The following PSMD4 variants were observed in gnomAD, a reference collection of about 807,000 sequenced individuals.
PSMD4 encodes the protein 26S proteasome non-ATPase regulatory subunit 4.
PSMD4 carries 5 observed loss-of-function variants against 39.7 expected under a neutral mutation model. That is an observed-to-expected ratio of 0.13 (90% confidence interval 0.07 to 0.26). The LOEUF is 0.26. Among genes scored for constraint, PSMD4 ranks in the 10% least tolerant of loss-of-function variants. PSMD4 has a pLI of 1.00. For missense variants in PSMD4, 272 were observed against 486.1 expected (o/e 0.56, Z 4.14); for synonymous variants, 143 against 174.6 (o/e 0.82, Z 1.43).
At chr1:151,260,036 T>C (rs1301542939) in intron 1 of PSMD4, among the ~76,000 whole-genome samples, 1 of 152,074 alleles carries the variant, frequency 6.6e-6, no homozygotes. Context: ...CCGTCTCTAC[T>C]AAAAATACAA....
intron 1 of PSMD4, among the ~76,000 whole-genome samples, chr1:151,261,954 C>CA (rs11370693): frequency 0.93 from 116,800 of 125,196 alleles, 54,840 homozygotes; most frequent in Non-Finnish European, 0.98. Flanking sequence ...GACCCTATCT[C>CA]AAAAAAAAAA....
At chr1:151,259,110 AG>A (rs1164548964) in intron 1 of PSMD4, 1 of 152,176 alleles carries the variant, frequency 6.6e-6, no homozygotes, top group Admixed American at 6.6e-5. Context: ...CTACCCGGGA[AG>A]CTGAAGTGGG....
chr1:151,264,898 G>A lies in PSMD4; in HGVS notation c.349G>A (p.Val117Met). Residue 117 changes from valine to methionine, a missense_variant, in exon 4 of 10, where the codon GTG (valine) becomes ATG (methionine). Coordinates refer to ENST00000368884, the MANE Select transcript of PSMD4 (RefSeq NM_002810.4). Reference protein sequence around the residue: ...MRIIAFVGSPVEDNEKDLVKL... With the variant: ...MRIIAFVGSPMEDNEKDLVKL... Reference sequence around the variant, plus strand: ...CATCATTGCCTTTGTGGGAAGCCCAGTGGAGGACAATGAGAAGGATGTGAG... The same window carrying A: ...CATCATTGCCTTTGTGGGAAGCCCAATGGAGGACAATGAGAAGGATGTGAG... The A allele has an allele frequency of 6.2e-7, 1 of 1,613,218 alleles. No homozygotes were observed. The highest frequency in any genetic ancestry group is 8.5e-7 in the Non-Finnish European group (1 of 1,179,450).
chr1:151,266,750 T>C, intron 9 of PSMD4, 163 bp downstream of exon 9: 1 of 918,766 alleles, frequency 1.1e-6, no homozygotes, highest in Non-Finnish European at 1.7e-6. Flanking sequence ...GTAGCAATGC[T>C]AATGGTCAGA....
chr1:151,262,557 C>T (rs1485187776), intron 2 of PSMD4: 1 of 452,308 alleles, frequency 2.2e-6, no homozygotes, highest in Non-Finnish European at 4.0e-6. Flanking sequence ...GGTGAAATTT[C>T]ATAATATATT....
At chr1:151,262,717 ACC>A in intron 2 of PSMD4, 1 of 184,866 alleles carries the variant, frequency 5.4e-6, no homozygotes, top group South Asian at 1.0e-4. Context: ...TACCTGTAAT[ACC>A]AGCTACTCAG....
At chr1:151,258,167 G>T (rs373331719) in intron 1 of PSMD4, among the ~76,000 whole-genome samples, 1 of 151,920 alleles carries the variant, frequency 6.6e-6, no homozygotes, top group South Asian at 2.1e-4. Flanking sequence ...GGGATTACAG[G>T]TGCGTGCCAC....
chr1:151,255,040 G>A (rs1186778389), intron 1 of PSMD4, among the ~76,000 whole-genome samples: 3 of 152,212 alleles, frequency 2.0e-5, no homozygotes, highest in South Asian at 2.1e-4. Context: ...GGTCATTCCT[G>A]CTTCCTTTCT....
chr1:151,261,204 C>T (rs587720563), intron 1 of PSMD4, among the ~76,000 whole-genome samples: 19 of 102,586 alleles, frequency 1.9e-4, no homozygotes, highest in Non-Finnish European at 3.0e-4. Flanking sequence ...TTTTTTGAGA[C>T]GAAGTTTTGC....
chr1:151,256,365 AAAT>A (rs1308856995), intron 1 of PSMD4, among the ~76,000 whole-genome samples: 5 of 52,594 alleles, frequency 9.5e-5, no homozygotes, highest in Admixed American at 6.4e-4. Context: ...AATAATAATA[AAAT>A]AAATAAATAA....
intron 9 of PSMD4, 36 bp from the exon 10 acceptor site, chr1:151,267,137 C>T: frequency 6.2e-7 from 1 of 1,613,174 alleles, no homozygotes. Context: ...CCTGCCGCTC[C>T]ATACCCTCCC....
Position 151,264,954 on chromosome 1 carries a change from C to T in PSMD4, c.369+36C>T, listed in dbSNP as rs772535996. The T allele has an allele frequency of 5.1e-6, 8 of 1,566,574 alleles. No individual in the cohort carries two copies. The South Asian group carries it at 7.9e-5, about 16-fold the overall frequency. On this transcript the variant is annotated intron_variant, in intron 4 of 9. Transcript: ENST00000368884. The stretch of plus-strand genomic sequence containing the variant: ...GTGGCAGCTGGGGAATGTGGGGAGC[C>T]CATGTTTGGGACTGAGGTCTTCCAG...
At chr1:151,260,964 A>G (rs1693303144) in intron 1 of PSMD4, among the ~76,000 whole-genome samples, 1 of 150,770 alleles carries the variant, frequency 6.6e-6, no homozygotes, top group Non-Finnish European at 1.5e-5. Context: ...TCCTGCCTCA[A>G]CCTCCTGAGT....
At chr1:151,264,658 CAG>C (rs1693388123) in intron 3 of PSMD4, among the ~76,000 whole-genome samples, 172 bp from the exon 4 acceptor site, 1 of 151,242 alleles carries the variant, frequency 6.6e-6, no homozygotes, top group African/African-American at 2.4e-5. Context: ...TCTTTATGCA[CAG>C]AGAGTCATAG....
chr1:151,265,983 T>C (rs892737918), intron 6 of PSMD4, 21 bp from the exon 7 acceptor site: 8 of 1,556,650 alleles, frequency 5.1e-6, no homozygotes, highest in Non-Finnish European at 6.9e-6. Context: ...GGAGCCCTGA[T>C]TATGCCCTGC....
In PSMD4 at chr1:151,267,197, C is replaced by G; in HGVS notation, c.988C>G (p.Gln330Glu). ...AKEEDDYDVM[Q>E]DPEFLQSVLE... The stretch of plus-strand genomic sequence containing the variant: ...GGAGGAGGATGATTACGACGTGATG[C>G]AGGACCCCGAGTTCCTTCAGAGTGT... Residue 330 changes from glutamine (Q) to glutamate (E), a missense_variant, in exon 10 of 10, where the codon CAG (glutamine) becomes GAG (glutamate). By Grantham distance (29) the Gln-to-Glu change is conservative. Around this residue, in one of 3 missense-constraint regions of PSMD4, gnomAD observed 113 missense variants for 184.6 expected, o/e 0.61. Coordinates refer to ENST00000368884, the MANE Select transcript of PSMD4 (RefSeq NM_002810.4). 1.2e-6 allele frequency: 2 copies of G among 1,613,920 alleles called. No homozygotes were observed. The highest frequency in any genetic ancestry group is 1.7e-6 in the Non-Finnish European group (2 of 1,179,842).
chr1:151,265,901 G>T, intron 6 of PSMD4, 103 bp from the exon 7 acceptor site: 6 of 1,412,296 alleles, frequency 4.2e-6, no homozygotes, highest in Non-Finnish European at 4.7e-6. Context: ...TGATAAACCA[G>T]AAGCTGCCCC....
intron 9 of PSMD4, 148 bp downstream of exon 9, chr1:151,266,735 C>G: frequency 2.0e-6 from 2 of 1,007,742 alleles, no homozygotes; most frequent in East Asian, 5.2e-5. Flanking sequence ...GTAAACCTTG[C>G]TAAGGTAGCA....
chr1:151,261,261 C>T (rs142214429), intron 1 of PSMD4, among the ~76,000 whole-genome samples: 177 of 150,614 alleles, frequency 1.2e-3, no homozygotes, highest in African/African-American at 3.8e-3. Flanking sequence ...CCACAACCTC[C>T]GTCTCCTGGG....
Sources: gnomAD v4.1 joint callset for allele counts (sites outside exome capture counted in the v4.1 genomes callset) on GRCh38, gnomAD v4.1.1 for gene constraint, gnomAD v4.1.1 regional missense constraint, MANE v1.5 for transcripts, NCBI Gene and HGNC (gene_info 2026-07-23, HGNC 2026-07-21) for gene names.